ENOX1: variants seen among roughly 807,000 people sequenced by gnomAD.
The protein encoded by ENOX1 is candidate growth-related and time keeping constitutive hydroquinone (NADH) oxidase.
A neutral mutation model predicts 82.5 loss-of-function variants in ENOX1; 42 were observed. That is an observed-to-expected ratio of 0.51 (90% CI 0.40 to 0.66). The LOEUF is 0.66. ENOX1 is among the 30% of genes least tolerant of loss of function. ENOX1 has a pLI of 0.00. For synonymous variants in ENOX1, 271 were observed against 282.2 expected (o/e 0.96, Z 0.40); for missense variants, 608 against 811.6 (o/e 0.75, Z 3.05).
intron 3 of ENOX1, among the ~76,000 whole-genome samples, chr13:43,415,120 G>GA (rs1394140474): frequency 6.7e-6 from 1 of 148,988 alleles, no homozygotes; most frequent in East Asian, 2.0e-4. Flanking sequence ...CTGTTCCACT[G>GA]AAAAAAAGCA....
At chr13:43,574,141 G>A (rs1032517) in intron 2 of ENOX1, among the ~76,000 whole-genome samples, 82,346 of 151,940 alleles carry the variant, frequency 0.54, 22,681 homozygotes, top group Non-Finnish European at 0.61. Flanking sequence ...CTGTCATTTA[G>A]CCAATTTTCC....
At chr13:43,572,782 G>A (rs2080241449) in intron 2 of ENOX1, among the ~76,000 whole-genome samples, 1 of 152,196 alleles carries the variant, frequency 6.6e-6, no homozygotes, top group South Asian at 2.1e-4. Flanking sequence ...GGGCATAGCT[G>A]AGCCACCACA....
rs567758506 is a variant in ENOX1 at position 43,250,847 on chromosome 13, C to T, written c.1612-14109G>A. ...TAAGCCATATAAAATATATTAAATA[C>T]AGTATGATATAAGCCATGACAAAGG... On this transcript the variant is annotated intron_variant, in intron 14 of 16. Transcript: ENST00000690772. 1.3e-3 allele frequency among the ~76,000 whole-genome samples: 201 copies of T among 152,228 alleles called. 5 individuals are homozygous for T. In the South Asian group the frequency reaches 0.029, roughly 22 times the overall value.
chr13:43,377,202 T>G (rs900534198), intron 5 of ENOX1, among the ~76,000 whole-genome samples: 1 of 152,116 alleles, frequency 6.6e-6, no homozygotes, highest in East Asian at 1.9e-4. Context: ...TATTGTAGGA[T>G]TGGGTTAGTT....
rs1385269581 is a variant in ENOX1, at chr13:43,322,511, G to C, written c.1144-10C>G. 3.7e-6 allele frequency: 6 copies of C among 1,610,364 alleles called. No individual in the cohort carries two copies. Among genetic ancestry groups the C allele is most frequent in the Non-Finnish European group, 5.1e-6 (6 of 1,177,364 alleles). Reference sequence around the variant, plus strand: ...GAGCATTCCGGAGCTCCTGCAAGTAGAGGATACACAAATGTCAGAGTCACA... The same window carrying C: ...GAGCATTCCGGAGCTCCTGCAAGTACAGGATACACAAATGTCAGAGTCACA... On this transcript the variant is annotated splice_polypyrimidine_tract_variant and intron_variant, in intron 10 of 16. Coordinates refer to ENST00000690772, the MANE Select transcript of ENOX1 (RefSeq NM_001347969.2).
chr13:43,500,898 C>G (rs181294193), intron 2 of ENOX1, among the ~76,000 whole-genome samples: 1 of 151,636 alleles, frequency 6.6e-6, no homozygotes, highest in African/African-American at 2.4e-5. Flanking sequence ...TTTATGTACA[C>G]CTCATGGTAA....
chr13:43,261,556 G>A (rs935607902), intron 14 of ENOX1, among the ~76,000 whole-genome samples: 18 of 152,062 alleles, frequency 1.2e-4, no homozygotes, highest in African/African-American at 3.4e-4. Context: ...TTATACAGCC[G>A]TTAAAAATCA....
chr13:43,471,592 C>G (rs1169481383), intron 3 of ENOX1, among the ~76,000 whole-genome samples: 1 of 152,020 alleles, frequency 6.6e-6, no homozygotes, highest in Admixed American at 6.6e-5. Flanking sequence ...GGGAGGATCA[C>G]AGGGTCAGGA....
chr13:43,265,364 CAAG>C (rs777557591), intron 14 of ENOX1, 31 bp downstream of exon 14: 1 of 1,590,796 alleles, frequency 6.3e-7, no homozygotes, highest in Non-Finnish European at 8.6e-7. Context: ...CAACGTCAAG[CAAG>C]AAGAACAAAT....
intron 2 of ENOX1, among the ~76,000 whole-genome samples, chr13:43,616,162 C>CTATA (rs1566641605): frequency 0.03 from 223 of 7,484 alleles, 28 homozygotes; most frequent in East Asian, 0.12. Flanking sequence ...AGATAGATAT[C>CTATA]TATCTATCTA....
At chr13:43,352,809 C>T (rs995885169) in intron 8 of ENOX1, among the ~76,000 whole-genome samples, 1 of 152,156 alleles carries the variant, frequency 6.6e-6, no homozygotes, top group Non-Finnish European at 1.5e-5. Flanking sequence ...ATAACCTGGT[C>T]CCAGAAGATC....
At chr13:43,339,679 T>G (rs2048944322) in intron 9 of ENOX1, among the ~76,000 whole-genome samples, 2 of 152,110 alleles carry the variant, frequency 1.3e-5, no homozygotes, top group South Asian at 4.2e-4. Flanking sequence ...ACTGGGGAGA[T>G]CTTTCGGCAC....
intron 5 of ENOX1, among the ~76,000 whole-genome samples, chr13:43,370,791 A>G (rs916000779): frequency 2.0e-5 from 3 of 152,126 alleles, no homozygotes; most frequent in African/African-American, 7.2e-5. Flanking sequence ...GGATTTCTAT[A>G]TCATTGTCTT....
At chr13:43,727,832 T>A (rs1009923389) in intron 1 of ENOX1, among the ~76,000 whole-genome samples, 4 of 152,208 alleles carry the variant, frequency 2.6e-5, no homozygotes, top group African/African-American at 9.7e-5. Context: ...CATTTGCTTA[T>A]TGATACTTTC....
At chr13:43,466,735 A>C (rs1323776914) in intron 3 of ENOX1, among the ~76,000 whole-genome samples, 2 of 152,122 alleles carry the variant, frequency 1.3e-5, no homozygotes, top group Non-Finnish European at 2.9e-5. Flanking sequence ...CATTCTTCTT[A>C]TCTAATTCCG....
At chr13:43,470,342 G>GTGTA (rs2057977674) in intron 3 of ENOX1, among the ~76,000 whole-genome samples, 1 of 43,054 alleles carries the variant, frequency 2.3e-5, no homozygotes, top group Non-Finnish European at 5.1e-5. Flanking sequence ...ATATATATAC[G>GTGTA]TATATATATA....
intron 1 of ENOX1, among the ~76,000 whole-genome samples, chr13:43,671,379 G>A (rs1040285494): frequency 6.6e-6 from 1 of 152,146 alleles, no homozygotes; most frequent in East Asian, 1.9e-4. Context: ...ATGAAAAGAG[G>A]TGCTGCTTTG....
chr13:43,494,441 A>T (rs1179829106), intron 2 of ENOX1, among the ~76,000 whole-genome samples: 5 of 152,220 alleles, frequency 3.3e-5, no homozygotes, highest in Non-Finnish European at 7.3e-5. Flanking sequence ...CAAATGAGTC[A>T]AAACTAAAGC....
intron 1 of ENOX1, among the ~76,000 whole-genome samples, chr13:43,732,822 C>G (rs1260031893): frequency 6.6e-6 from 1 of 152,196 alleles, no homozygotes; most frequent in Admixed American, 6.5e-5. Flanking sequence ...TTTTCTCTGG[C>G]CTTTCATTCA....
Sources: gnomAD v4.1 joint callset for allele counts (sites outside exome capture counted in the v4.1 genomes callset) on GRCh38, gnomAD v4.1.1 for gene constraint, MANE v1.5 for transcripts, NCBI Gene and HGNC (gene_info 2026-07-23, HGNC 2026-07-21) for gene names.